C1GALT1: variants seen among roughly 807,000 people sequenced by gnomAD.
The protein encoded by C1GALT1 is core 1 synthase, glycoprotein-N-acetylgalactosamine 3-beta-galactosyltransferase 1.
In C1GALT1, 11 loss-of-function variants were observed where a neutral mutation model predicts 31.0. The ratio of observed to expected loss-of-function variants is 0.36; its 90% CI spans 0.22 to 0.59. The LOEUF (loss-of-function observed/expected upper bound fraction) is 0.59, where lower values mean the gene tolerates loss of function less well. Ranked by LOEUF, C1GALT1 falls within the 20% of genes least tolerant of loss-of-function variation. C1GALT1 has a pLI of 0.79. For missense variants in C1GALT1, 424 were observed against 425.2 expected (o/e 1.00, Z 0.03); for synonymous variants, 175 against 143.6 (o/e 1.22, Z -1.56).
intron 1 of C1GALT1, among the ~76,000 whole-genome samples, chr7:7,226,865 A>C (rs1420541559): frequency 6.6e-6 from 1 of 152,228 alleles, no homozygotes; most frequent in Non-Finnish European, 1.5e-5. Context: ...TAAACTATGT[A>C]CATTTTTACC....
rs1298445198 is a variant in C1GALT1 at position 7,246,766 on chromosome 7, G to C, written c.*3039G>C. 4 of 152,092 alleles carry C rather than the reference G, an allele frequency of 2.6e-5. No homozygotes were observed. The highest frequency in any genetic ancestry group is 6.6e-5 in the Admixed American group (1 of 15,266). The allele number at this position is 152,092 out of a possible 1,614,324, so 9.4% of individuals were successfully genotyped here. A position where few individuals can be genotyped will look rare whatever the true frequency, so the allele number is the denominator to read the frequency against. Reference sequence around the variant, plus strand: ...TGAGAACCAATACCCAACAACCTACGTGATTTTGGTGCAAGTAGTGTTTGA... The same window carrying C: ...TGAGAACCAATACCCAACAACCTACCTGATTTTGGTGCAAGTAGTGTTTGA... On this transcript the variant is annotated 3_prime_UTR_variant, in exon 4 of 4. Transcript: ENST00000436587.
At chr7:7,163,183 C>T (rs749444346) in intron 2 of C1GALT1, among the ~76,000 whole-genome samples, 1 of 152,166 alleles carries the variant, frequency 6.6e-6, no homozygotes, top group African/African-American at 2.4e-5. Context: ...GACATGAAGT[C>T]CTTGCCCGTT....
chr7:7,228,976 AAT>A (rs34321143), intron 1 of C1GALT1, among the ~76,000 whole-genome samples: 22,839 of 152,124 alleles, frequency 0.15, 2,098 homozygotes, highest in Middle Eastern at 0.28. Context: ...ATGTCCTTGG[AAT>A]ATGATTGAGT....
chr7:7,185,654 C>T (rs1055980244), intron 1 of C1GALT1, among the ~76,000 whole-genome samples: 1 of 152,188 alleles, frequency 6.6e-6, no homozygotes, highest in South Asian at 2.1e-4. Context: ...TGCTCCACTT[C>T]TTGCAAGGAT....
intron 2 of C1GALT1, among the ~76,000 whole-genome samples, chr7:7,164,141 A>G (rs966207920): frequency 2.0e-5 from 3 of 152,182 alleles, no homozygotes; most frequent in South Asian, 2.1e-4. Context: ...GGAACAGAAC[A>G]GAGCCCTCAG....
rs544015736 is a variant in C1GALT1, at chr7:7,231,425, C to T, written c.-17-2878C>T. ...CCACTTCTCCTGAGTTATGTCTCTTCCCTCAAAGGTTCCAGTTAACACTTA... is the reference window on the plus strand; with the variant it reads ...CCACTTCTCCTGAGTTATGTCTCTTTCCTCAAAGGTTCCAGTTAACACTTA... On this transcript the variant is annotated intron_variant, in intron 1 of 3. Transcript: ENST00000436587. Among the ~76,000 whole-genome samples the T allele has an allele frequency of 1.2e-4, 19 of 152,234 alleles. No homozygotes were observed. The South Asian group carries it at 2.3e-3, about 18-fold the overall frequency.
At chr7:7,167,314 C>T (rs1780409318) in intron 2 of C1GALT1, among the ~76,000 whole-genome samples, 1 of 152,162 alleles carries the variant, frequency 6.6e-6, no homozygotes, top group South Asian at 2.1e-4. Flanking sequence ...ATTGGGAGAA[C>T]AGCATTCATT....
chr7:7,158,250 T>A (rs1780295107), intron 2 of C1GALT1, among the ~76,000 whole-genome samples: 1 of 152,144 alleles, frequency 6.6e-6, no homozygotes, highest in Non-Finnish European at 1.5e-5. Context: ...GGAAGAGTGG[T>A]CTCTAGTCTC....
intron 1 of C1GALT1, among the ~76,000 whole-genome samples, chr7:7,191,503 A>G (rs111901188): frequency 0.033 from 5,004 of 152,238 alleles, 184 homozygotes; most frequent in African/African-American, 0.091. Context: ...CAGAAGTGGA[A>G]TTGCTGGATC....
intron 1 of C1GALT1, among the ~76,000 whole-genome samples, chr7:7,227,577 G>A (rs930094193): frequency 3.9e-5 from 6 of 152,050 alleles, no homozygotes; most frequent in South Asian, 2.1e-4. Flanking sequence ...AAAATTAGCC[G>A]GGCGTAGTGG....
chr7:7,239,967 G>A (rs537666239), intron 3 of C1GALT1, among the ~76,000 whole-genome samples: 1 of 152,152 alleles, frequency 6.6e-6, no homozygotes, highest in Non-Finnish European at 1.5e-5. Context: ...ATGGAACCTA[G>A]CTTTTAGGCT....
rs1376157682 is a variant in C1GALT1, at chr7:7,244,291, A to C, written c.*564A>C. The stretch of plus-strand genomic sequence containing the variant: ...AATTGGTAGTATTTCTTCCAGAAGA[A>C]GCTAAAATAAGACTGGCACTTACCC... On this transcript the variant is annotated 3_prime_UTR_variant, in exon 4 of 4. Transcript: ENST00000436587. The C allele has an allele frequency of 3.3e-5, 5 of 152,196 alleles. No individual in the cohort carries two copies. Among genetic ancestry groups the C allele is most frequent in the African/African-American group, 1.2e-4 (5 of 41,464 alleles). 9.4% of individuals were successfully genotyped at this position (152,196 alleles called of 1,614,324 possible).
Position 7,243,504 on chromosome 7 carries a change from T to G in C1GALT1, c.889-20T>G. 6.4e-7 allele frequency: 1 copy of G among 1,565,412 alleles called. No homozygotes were observed. The highest frequency in any genetic ancestry group is 8.6e-7 in the Non-Finnish European group (1 of 1,157,838). The stretch of plus-strand genomic sequence containing the variant: ...CAATGTGCTGTTTATTAACAATACC[T>G]GTTTCCACTACTTTTTTAGGGTCCT... On this transcript the variant is annotated intron_variant, in intron 3 of 3. Coordinates refer to ENST00000436587, the MANE Select transcript of C1GALT1 (RefSeq NM_020156.5).
intron 1 of C1GALT1, among the ~76,000 whole-genome samples, chr7:7,214,031 G>C (rs747570205): frequency 6.6e-6 from 1 of 152,174 alleles, no homozygotes; most frequent in East Asian, 1.9e-4. Context: ...TTATCTTCCA[G>C]GTGGCCAAGA....
intron 1 of C1GALT1, among the ~76,000 whole-genome samples, chr7:7,230,732 A>C (rs1336725863): frequency 6.8e-6 from 1 of 146,522 alleles, no homozygotes; most frequent in Non-Finnish European, 1.5e-5. Context: ...TAAAGATTAT[A>C]TTAGACATCC....
intron 3 of C1GALT1, among the ~76,000 whole-genome samples, chr7:7,242,893 C>G (rs967958751): frequency 3.3e-5 from 5 of 152,058 alleles, no homozygotes; most frequent in Admixed American, 3.3e-4. Flanking sequence ...CACACATTGT[C>G]TCCTTTAAAT....
intron 1 of C1GALT1, among the ~76,000 whole-genome samples, chr7:7,233,767 G>T (rs1424909720): frequency 6.6e-6 from 1 of 152,186 alleles, no homozygotes; most frequent in Non-Finnish European, 1.5e-5. Context: ...TCCTCAAACT[G>T]TGCTGACCCT....
chr7:7,192,143 CT>C (rs111303287), intron 1 of C1GALT1, among the ~76,000 whole-genome samples: 200 of 148,462 alleles, frequency 1.3e-3, no homozygotes, highest in African/African-American at 3.8e-3. Context: ...ACTTTTTCTT[CT>C]TTTTTTTTTA....
intron 2 of C1GALT1, among the ~76,000 whole-genome samples, chr7:7,167,884 A>C (rs1331738744): frequency 1.3e-5 from 2 of 152,160 alleles, no homozygotes; most frequent in Non-Finnish European, 2.9e-5. Context: ...TTGTCTCTGA[A>C]GGCTTGGTTA....
Sources: allele counts gnomAD v4.1 joint callset (sites outside exome capture counted in the v4.1 genomes callset), GRCh38; gene constraint gnomAD v4.1.1; transcripts MANE v1.5; gene names NCBI Gene and HGNC (gene_info 2026-07-23, HGNC 2026-07-21).